Variants in SEMA5A observed in about 807,000 individuals in gnomAD.
SEMA5A encodes semaphorin 5A.
A neutral mutation model predicts 135.5 loss-of-function variants in SEMA5A; 55 were observed. The ratio of observed to expected loss-of-function variants is 0.41; its 90% CI spans 0.33 to 0.51. SEMA5A has a LOEUF of 0.51. Among genes scored for constraint, SEMA5A ranks in the 20% least tolerant of loss-of-function variants. SEMA5A has a pLI of 0.37. For missense variants in SEMA5A, 1,290 were observed against 1,419.9 expected, an observed-to-expected ratio of 0.91 and a Z score of 1.47; for synonymous variants, 580 against 546.5, an observed-to-expected ratio of 1.06 and a Z score of -0.85.
At chr5:9,421,946 C>G (rs1035665548) in intron 2 of SEMA5A, among the ~76,000 whole-genome samples, 2 of 152,176 alleles carry the variant, frequency 1.3e-5, no homozygotes, top group Admixed American at 1.3e-4. Flanking sequence ...TTATCTCTAT[C>G]TAATGTTAGA....
chr5:9,421,956 A>G (rs1757485596), intron 2 of SEMA5A, among the ~76,000 whole-genome samples: 1 of 152,192 alleles, frequency 6.6e-6, no homozygotes, highest in African/African-American at 2.4e-5. Context: ...CTAATGTTAG[A>G]CTTTTTAGAT....
rs1305763428 is a variant in SEMA5A, at chr5:9,044,574, C to T, written c.2904G>A (p.Met968Ile). Residue 968 changes from methionine (M) to isoleucine (I), a missense_variant, in exon 22 of 23, where the codon ATG becomes ATA. Physicochemically the swap from Met to Ile is conservative, Grantham distance 10 (BLOSUM62 1). This residue lies in a region of SEMA5A where 1,029 missense variants were observed against 1,086.6 expected (regional missense o/e 0.95). Transcript: ENST00000382496. ...TCAGCCCCACGGCGATCATGTGGAACATGTTGAACTCTAGGGAGACATGAG... is the reference window on the plus strand; with the variant it reads ...TCAGCCCCACGGCGATCATGTGGAATATGTTGAACTCTAGGGAGACATGAG... ...VEEKRCGEFN[M>I]FHMIAVGLSS... 1 of 1,614,002 alleles carries T rather than the reference C, an allele frequency of 6.2e-7. No homozygotes were observed.
chr5:9,429,944 T>C (rs1017519120), intron 2 of SEMA5A, among the ~76,000 whole-genome samples: 8 of 152,212 alleles, frequency 5.3e-5, no homozygotes, highest in Non-Finnish European at 8.8e-5. Flanking sequence ...CTGGTCACTG[T>C]GTGGAGAAAA....
At chr5:9,299,192 C>T (rs560197574) in intron 5 of SEMA5A, among the ~76,000 whole-genome samples, 1 of 152,278 alleles carries the variant, frequency 6.6e-6, no homozygotes, top group Non-Finnish European at 1.5e-5. Context: ...CCTTAGAGAT[C>T]ATCTATTCAT....
At chr5:9,127,980 C>T (rs796712777) in intron 13 of SEMA5A, among the ~76,000 whole-genome samples, 8 of 152,304 alleles carry the variant, frequency 5.3e-5, no homozygotes, top group African/African-American at 1.7e-4. Flanking sequence ...TTCCAGTCCA[C>T]GTGATTCCTT....
chr5:9,103,146 G>A lies in SEMA5A; in HGVS notation c.2073+4994C>T, dbSNP rs137947984. Among the ~76,000 whole-genome samples, 14 of 152,244 alleles carry A rather than the reference G, an allele frequency of 9.2e-5. 1 individual carries two copies. The East Asian group carries it at 2.1e-3, about 23-fold the overall frequency. ...ACCTCTGAGTGGAAAGACCTGGACC[G>A]GGGGTCTTGCTGTCTCCAGTTGCAG... On this transcript the variant is annotated intron_variant, in intron 16 of 22. Transcript: ENST00000382496.
At chr5:9,380,400 G>T (rs1265034900) in intron 2 of SEMA5A, among the ~76,000 whole-genome samples, 2 of 151,916 alleles carry the variant, frequency 1.3e-5, no homozygotes, top group Non-Finnish European at 2.9e-5. Flanking sequence ...CGCAAACACA[G>T]GTCTATATGT....
intron 2 of SEMA5A, among the ~76,000 whole-genome samples, chr5:9,396,357 C>T (rs1756401383): frequency 6.6e-6 from 1 of 152,046 alleles, no homozygotes; most frequent in Admixed American, 6.6e-5. Flanking sequence ...CAAAGGAATT[C>T]ATCAGATATT....
At chr5:9,217,966 T>C (rs368171693) in intron 8 of SEMA5A, among the ~76,000 whole-genome samples, 2 of 152,252 alleles carry the variant, frequency 1.3e-5, no homozygotes, top group East Asian at 1.9e-4. Flanking sequence ...TTCCTATCCA[T>C]ATTCTCACTT....
intron 1 of SEMA5A, among the ~76,000 whole-genome samples, chr5:9,495,753 A>G (rs1040221874): frequency 2.6e-5 from 4 of 152,262 alleles, no homozygotes; most frequent in African/African-American, 9.6e-5. Flanking sequence ...GTAGACAGTA[A>G]TGGGTAAATA....
rs1348649627 is a variant in SEMA5A, at chr5:9,044,591, A to G, written c.2894-7T>C. 1.2e-6 allele frequency: 2 copies of G among 1,612,494 alleles called. No homozygotes were observed. The highest frequency in any genetic ancestry group is 3.3e-5 in the Admixed American group (2 of 59,988). ...ATGTGGAACATGTTGAACTCTAGGG[A>G]GACATGAGCAAAGTGATGCCACACT... On this transcript the variant is annotated splice_polypyrimidine_tract_variant and splice_region_variant and intron_variant, in intron 21 of 22. Coordinates refer to ENST00000382496, the MANE Select transcript of SEMA5A (RefSeq NM_003966.3).
chr5:9,166,909 A>C (rs1389570904), intron 11 of SEMA5A, among the ~76,000 whole-genome samples: 1 of 152,192 alleles, frequency 6.6e-6, no homozygotes, highest in Non-Finnish European at 1.5e-5. Context: ...ATTACAAAAC[A>C]ACCACCCAGT....
chr5:9,458,393 G>T (rs949681002), intron 1 of SEMA5A, among the ~76,000 whole-genome samples: 5 of 152,172 alleles, frequency 3.3e-5, no homozygotes, highest in Non-Finnish European at 7.3e-5. Flanking sequence ...TCAAGCTTTT[G>T]AAATAATGTA....
chr5:9,304,560 T>G (rs1579312151), intron 5 of SEMA5A, among the ~76,000 whole-genome samples: 1 of 152,184 alleles, frequency 6.6e-6, no homozygotes, highest in East Asian at 1.9e-4. Flanking sequence ...CTATATAGTT[T>G]GCTTAAAGCA....
chr5:9,474,486 T>TAA lies in SEMA5A; in HGVS notation c.-174-36636_-174-36635dup, dbSNP rs58649675. Reference sequence around the variant, plus strand: ...AATAGGCACATGTGAGAAGCATGCTTAAAAAAAAAAAAATAGGGCATTCTG... The same window carrying TAA: ...AATAGGCACATGTGAGAAGCATGCTTAAAAAAAAAAAAAAATAGGGCATTCTG... On this transcript the variant is annotated intron_variant, in intron 1 of 22. Coordinates refer to ENST00000382496, the MANE Select transcript of SEMA5A (RefSeq NM_003966.3). Among the ~76,000 whole-genome samples, 522 of 146,920 alleles carry TAA rather than the reference T, an allele frequency of 3.6e-3. 2 individuals carry two copies. Among genetic ancestry groups the TAA allele is most frequent in the African/African-American group, 0.011 (441 of 40,034 alleles).
At chr5:9,207,858 T>TAGAC (rs1179103280) in intron 8 of SEMA5A, among the ~76,000 whole-genome samples, 2 of 79,370 alleles carry the variant, frequency 2.5e-5, no homozygotes, top group African/African-American at 1.2e-4. Context: ...TGATGATAGA[T>TAGAC]AGATAGATAG....
chr5:9,053,657 A>G (rs1041238093), intron 19 of SEMA5A, among the ~76,000 whole-genome samples: 1 of 152,094 alleles, frequency 6.6e-6, no homozygotes, highest in African/African-American at 2.4e-5. Context: ...TCCAGACTCC[A>G]TGGGGGGCAC....
intron 3 of SEMA5A, among the ~76,000 whole-genome samples, chr5:9,364,458 A>G (rs1754830768): frequency 6.6e-6 from 1 of 152,186 alleles, no homozygotes; most frequent in Non-Finnish European, 1.5e-5. Flanking sequence ...TTTTATTCAC[A>G]AGGAACATCC....
At chr5:9,340,989 C>T (rs1019765908) in intron 3 of SEMA5A, among the ~76,000 whole-genome samples, 4 of 152,126 alleles carry the variant, frequency 2.6e-5, no homozygotes, top group African/African-American at 9.7e-5. Context: ...TTCTCAATTA[C>T]CTAGGCTTTC....
Sources: allele counts gnomAD v4.1 joint callset (sites outside exome capture counted in the v4.1 genomes callset), GRCh38; gene constraint gnomAD v4.1.1; regional missense constraint gnomAD v4.1.1; transcripts MANE v1.5; gene names NCBI Gene and HGNC (gene_info 2026-07-23, HGNC 2026-07-21).